Variants in BRDT observed in about 807,000 individuals in gnomAD.
The protein encoded by BRDT is bromodomain testis-specific protein.
Under a neutral mutation model 113.9 loss-of-function variants are expected in BRDT, and 77 were observed. The observed-to-expected ratio is 0.68, with a 90% CI of 0.56 to 0.82. The LOEUF (loss-of-function observed/expected upper bound fraction) is 0.82, where lower values mean the gene tolerates loss of function less well. Among genes scored for constraint, BRDT ranks in the 40% least tolerant of loss-of-function variants. The probability of loss-of-function intolerance (pLI) is 0.00; values close to 1 mark genes in which losing one functional copy is unlikely to be tolerated. For missense variants in BRDT, 1,027 were observed against 1,105.4 expected, an observed-to-expected ratio of 0.93 and a Z score of 1.01; for synonymous variants, 358 against 366.5, an observed-to-expected ratio of 0.98 and a Z score of 0.26.
rs779401099 is a variant in BRDT, at chr1:91,962,843, A to T, written c.89A>T (p.Asn30Ile). The T allele has an allele frequency of 1.2e-6, 2 of 1,613,036 alleles. No homozygotes were observed. The highest frequency in any genetic ancestry group is 1.7e-6 in the Non-Finnish European group (2 of 1,179,636). Reference protein sequence around the residue: ...INTKKNGRLTNQLQYLQKVVL... With the variant: ...INTKKNGRLTIQLQYLQKVVL... Reference sequence around the variant, plus strand: ...ACTAAGAAAAATGGGCGATTGACAAATCAACTTCAGTATCTACAAAAAGTT... The same window carrying T: ...ACTAAGAAAAATGGGCGATTGACAATTCAACTTCAGTATCTACAAAAAGTT... Residue 30 changes from asparagine to isoleucine, a missense_variant, in exon 2 of 19, where the codon AAT becomes ATT. By Grantham distance (149) the Asn-to-Ile change is moderately radical. Coordinates refer to ENST00000399546, the MANE Select transcript of BRDT (RefSeq NM_207189.4).
intron 16 of BRDT, among the ~76,000 whole-genome samples, chr1:92,004,076 A>G (rs1687079529): frequency 6.6e-6 from 1 of 152,100 alleles, no homozygotes; most frequent in African/African-American, 2.4e-5. Context: ...TATTTTCCCT[A>G]TAGGATAATA....
intron 6 of BRDT, among the ~76,000 whole-genome samples, chr1:91,977,776 C>T (rs1036464114): frequency 4.6e-5 from 7 of 151,048 alleles, no homozygotes; most frequent in African/African-American, 1.5e-4. Context: ...GGCTGAGTCA[C>T]GAGAATCACT....
intron 15 of BRDT, among the ~76,000 whole-genome samples, chr1:92,001,807 A>G (rs1381628209): frequency 6.6e-6 from 1 of 152,166 alleles, no homozygotes; most frequent in African/African-American, 2.4e-5. Context: ...TGTCAGCTAT[A>G]TTTCATGCTG....
chr1:91,979,852 C>T (rs562432792), intron 8 of BRDT, 95 bp downstream of exon 8: 8 of 1,145,412 alleles, frequency 7.0e-6, no homozygotes, highest in South Asian at 2.1e-5. Flanking sequence ...ATAGTTAAAT[C>T]GCTTCATAAC....
chr1:91,989,332 G>A (rs936809795), intron 12 of BRDT, among the ~76,000 whole-genome samples: 1 of 151,894 alleles, frequency 6.6e-6, no homozygotes, highest in South Asian at 2.1e-4. Context: ...TTGTTTTTTT[G>A]TTCAAAGCTG....
intron 14 of BRDT, among the ~76,000 whole-genome samples, chr1:91,993,375 C>T (rs978551471): frequency 2.0e-5 from 3 of 152,102 alleles, no homozygotes; most frequent in African/African-American, 7.2e-5. Context: ...ACTTCGCTTG[C>T]CACAGAATAG....
chr1:92,000,933 A>T (rs1356649030), intron 15 of BRDT, among the ~76,000 whole-genome samples: 1 of 152,204 alleles, frequency 6.6e-6, no homozygotes, highest in Admixed American at 6.5e-5. Context: ...ATAATAAATG[A>T]AATATTTGCA....
chr1:91,982,056 A>G (rs1684782081), intron 12 of BRDT, among the ~76,000 whole-genome samples: 2 of 152,228 alleles, frequency 1.3e-5, no homozygotes, highest in Admixed American at 1.3e-4. Context: ...ATCAGATAAT[A>G]AAATAATGAC....
chr1:92,004,172 C>T (rs981703133), intron 16 of BRDT, among the ~76,000 whole-genome samples: 1 of 152,036 alleles, frequency 6.6e-6, no homozygotes, highest in African/African-American at 2.4e-5. Flanking sequence ...AAATAATTGG[C>T]AAGTGTGCTA....
At chr1:91,962,249 ATTTG>A (rs1240239434) in intron 1 of BRDT, among the ~76,000 whole-genome samples, 2 of 135,154 alleles carry the variant, frequency 1.5e-5, no homozygotes, top group South Asian at 2.3e-4. Context: ...AAAAATTTGT[ATTTG>A]TTTAAAAATT....
In BRDT at chr1:91,962,762, T is replaced by C; in HGVS notation, c.8T>C (p.Leu3Pro). MSLPSRQTAIIVN... is the reference protein window; with the variant it reads MSPPSRQTAIIVN... ...GATTCAAAGCAGTTAAGAATGTCTC[T>C]GCCAAGTCGACAAACAGCTATTATT... Residue 3 changes from leucine to proline, a missense_variant, in exon 2 of 19, where the codon CTG becomes CCG. Physicochemically the swap from Leu to Pro is moderately conservative, Grantham distance 98. Coordinates refer to ENST00000399546, the MANE Select transcript of BRDT (RefSeq NM_207189.4). The C allele has an allele frequency of 1.9e-6, 3 of 1,587,598 alleles. No homozygotes were observed. Among genetic ancestry groups the C allele is most frequent in the Non-Finnish European group, 2.6e-6 (3 of 1,169,542 alleles).
chr1:91,992,842 T>C (rs956626016), intron 14 of BRDT, among the ~76,000 whole-genome samples: 4 of 152,192 alleles, frequency 2.6e-5, no homozygotes, highest in African/African-American at 9.6e-5. Context: ...GGCCTTCCCA[T>C]TCCTTTTGAA....
At chr1:91,972,427 C>G (rs1336377437) in intron 4 of BRDT, among the ~76,000 whole-genome samples, 2 of 152,306 alleles carry the variant, frequency 1.3e-5, no homozygotes, top group East Asian at 3.9e-4. Flanking sequence ...CTTAGCATCA[C>G]TTGTACTCAG....
chr1:91,980,329 CCACCTGGGT>C (rs55685323), intron 8 of BRDT, among the ~76,000 whole-genome samples: 106,662 of 151,868 alleles, frequency 0.7, 38,716 homozygotes, highest in Middle Eastern at 0.8. Context: ...CACCGCACTC[CCACCTGGGT>C]GACAGAGCAA....
At chr1:92,011,514 A>AC (rs1687794447) in intron 18 of BRDT, among the ~76,000 whole-genome samples, 2 of 152,072 alleles carry the variant, frequency 1.3e-5, no homozygotes, top group African/African-American at 4.8e-5. Context: ...CTGTGGGATT[A>AC]CAGGCGTGAG....
intron 13 of BRDT, among the ~76,000 whole-genome samples, chr1:91,991,501 G>C (rs990338409): frequency 3.3e-5 from 5 of 152,166 alleles, no homozygotes; most frequent in Non-Finnish European, 7.4e-5. Context: ...AGAAGCTTCA[G>C]CTTATCCCTG....
chr1:91,972,300 C>T (rs1683706691), intron 4 of BRDT, among the ~76,000 whole-genome samples: 1 of 152,180 alleles, frequency 6.6e-6, no homozygotes, highest in Non-Finnish European at 1.5e-5. Flanking sequence ...CTACTTCTTA[C>T]CTTTATAGTG....
chr1:91,987,614 G>T (rs1263516149), intron 12 of BRDT, among the ~76,000 whole-genome samples: 3 of 152,172 alleles, frequency 2.0e-5, no homozygotes, highest in Non-Finnish European at 2.9e-5. Flanking sequence ...TCAAAGTGCT[G>T]GGATTACAGG....
At chr1:92,006,388 G>T (rs1023135330) in intron 18 of BRDT, among the ~76,000 whole-genome samples, 2 of 148,048 alleles carry the variant, frequency 1.4e-5, no homozygotes, top group Non-Finnish European at 3.0e-5. Flanking sequence ...CCTATCTTGT[G>T]TTTTTTTTTT....
Sources: allele counts gnomAD v4.1 joint callset (sites outside exome capture counted in the v4.1 genomes callset), GRCh38; gene constraint gnomAD v4.1.1; transcripts MANE v1.5; gene names NCBI Gene and HGNC (gene_info 2026-07-23, HGNC 2026-07-21).